Variants in PTCH1 observed in about 807,000 individuals in gnomAD.
The protein encoded by PTCH1 is patched 1.
A neutral mutation model predicts 144.6 loss-of-function variants in PTCH1; 14 were observed. The ratio of observed to expected loss-of-function variants is 0.10; its 90% CI spans 0.06 to 0.15. PTCH1 has a LOEUF of 0.15. PTCH1 is among the 10% of genes least tolerant of loss of function. The pLI is 1.00. For missense variants in PTCH1, 1,623 were observed against 1,948.3 expected (o/e 0.83, Z 3.14); for synonymous variants, 833 against 793.6 (o/e 1.05, Z -0.83).
At chr9:95,457,676 T>A (rs1357463344) in intron 18 of PTCH1, among the ~76,000 whole-genome samples, 4 of 152,104 alleles carry the variant, frequency 2.6e-5, no homozygotes, top group Non-Finnish European at 5.9e-5. Context: ...CTGGATGAGG[T>A]CACAAAATGA....
At chr9:95,463,579 G>A (rs906318567) in intron 15 of PTCH1, among the ~76,000 whole-genome samples, 1 of 152,080 alleles carries the variant, frequency 6.6e-6, no homozygotes, top group Non-Finnish European at 1.5e-5. Context: ...TGTTTTCCTC[G>A]CTGTAACAAT....
upstream of PTCH1, among the ~76,000 whole-genome samples, chr9:95,510,229 C>A (rs953577425): frequency 1.3e-5 from 2 of 152,276 alleles, no homozygotes; most frequent in Admixed American, 6.5e-5. Context: ...TTGTACACCC[C>A]TTTTTATTAA....
chr9:95,504,645 TACA>T (rs1294437526), intron 2 of PTCH1, among the ~76,000 whole-genome samples: 1 of 152,084 alleles, frequency 6.6e-6, no homozygotes, highest in Non-Finnish European at 1.5e-5. Context: ...GCAGCGCCCC[TACA>T]GTCTAGCCAA....
At chr9:95,512,929 C>A (rs552548845), upstream of PTCH1, among the ~76,000 whole-genome samples, 1 of 152,330 alleles carries the variant, frequency 6.6e-6, no homozygotes, top group South Asian at 2.1e-4. Flanking sequence ...TAAAGTTCAT[C>A]TCAATGCATA....
intron 20 of PTCH1, chr9:95,450,823 G>C (rs919887378): frequency 6.6e-6 from 1 of 152,270 alleles, no homozygotes; most frequent in African/African-American, 2.4e-5. Flanking sequence ...GAGGGCTAAG[G>C]TCTGGAATCC....
At chr9:95,507,272 C>T (rs1234610197) in intron 1 of PTCH1, 6 of 985,300 alleles carry the variant, frequency 6.1e-6, no homozygotes, top group African/African-American at 1.7e-5. Flanking sequence ...TGGATCTTTC[C>T]CTCCTCTCCC....
chr9:95,459,939 G>T, intron 16 of PTCH1, 156 bp from the exon 17 acceptor site: 2 of 809,828 alleles, frequency 2.5e-6, no homozygotes, highest in Non-Finnish European at 4.1e-6. Flanking sequence ...GAACACCTTT[G>T]ATTTCTTTCA....
chr9:95,505,935 C>G (rs1251553446), intron 2 of PTCH1, among the ~76,000 whole-genome samples: 4 of 147,276 alleles, frequency 2.7e-5, no homozygotes, highest in East Asian at 4.0e-4. Flanking sequence ...GGCGCGCACA[C>G]TCCAGCCAGC....
Position 95,468,827 on chromosome 9 carries a change from G to C in PTCH1, c.2174C>G (p.Pro725Arg), listed in dbSNP as rs963297092. 24 of 1,614,170 alleles carry C rather than the reference G, an allele frequency of 1.5e-5. No individual in the cohort carries two copies. The highest frequency in any genetic ancestry group is 2.2e-5 in the South Asian group (2 of 91,082). The change falls in exon 14 of 24, where the codon CCC becomes CGC. Residue 725 changes from proline to arginine, a missense_variant. Coordinates refer to ENST00000331920, the MANE Select transcript of PTCH1 (RefSeq NM_000264.5). Reference sequence around the variant, plus strand: ...TGAGAGTGTCCACTTCGTACAGGGGGGCTCGAGGCAGTGGAGGCTGGAGTC... The same window carrying C: ...TGAGAGTGTCCACTTCGTACAGGGGCGCTCGAGGCAGTGGAGGCTGGAGTC... ...FSDSSLHCLEPPCTKWTLSSF... is the reference protein window; with the variant it reads ...FSDSSLHCLERPCTKWTLSSF...
At chr9:95,493,157 A>G (rs1347387623) in intron 2 of PTCH1, among the ~76,000 whole-genome samples, 2 of 152,190 alleles carry the variant, frequency 1.3e-5, no homozygotes, top group Non-Finnish European at 2.9e-5. Flanking sequence ...CCATACTTCT[A>G]GGCCAATATG....
At chr9:95,511,676 C>T (rs1339185121), upstream of PTCH1, among the ~76,000 whole-genome samples, 2 of 152,204 alleles carry the variant, frequency 1.3e-5, no homozygotes, top group East Asian at 3.8e-4. Flanking sequence ...CCACACATTG[C>T]CAGTTTCATC....
Position 95,445,706 on chromosome 9 carries a change from A to G in PTCH1, c.*687T>C, listed in dbSNP as rs1476317034. The G allele has an allele frequency of 6.6e-6, 1 of 151,778 alleles. No homozygotes were observed. The highest frequency in any genetic ancestry group is 2.5e-5 in the African/African-American group (1 of 40,444). The allele number at this position is 151,778 out of a possible 1,614,324, so 9.4% of individuals were successfully genotyped here. A position where few individuals can be genotyped will look rare whatever the true frequency, so the allele number is the denominator to read the frequency against. On this transcript the variant is annotated 3_prime_UTR_variant, in exon 24 of 24. Coordinates refer to ENST00000331920, the MANE Select transcript of PTCH1 (RefSeq NM_000264.5). ...TCAGAGCCTACTACAGGTTACAGACAGTGTAGAGAAACAAAACAAGACAAA... is the reference window on the plus strand; with the variant it reads ...TCAGAGCCTACTACAGGTTACAGACGGTGTAGAGAAACAAAACAAGACAAA...
At position 95,444,759 on chromosome 9, in the gene PTCH1, A is replaced by G. The variant is rs1370267507; in HGVS notation, c.*1634T>C. On this transcript the variant is annotated 3_prime_UTR_variant, in exon 24 of 24. Coordinates refer to ENST00000331920, the MANE Select transcript of PTCH1 (RefSeq NM_000264.5). Reference sequence around the variant, plus strand: ...TTTCCTCTGACTTCTTGTCTGTAACAAGGTGCTGGTGTGGATTTGGATGGG... The same window carrying G: ...TTTCCTCTGACTTCTTGTCTGTAACGAGGTGCTGGTGTGGATTTGGATGGG... The G allele has an allele frequency of 6.6e-6, 1 of 152,280 alleles. No homozygotes were observed. The highest frequency in any genetic ancestry group is 1.5e-5 in the Non-Finnish European group (1 of 68,146). The allele number at this position is 152,280 out of a possible 1,614,324, so 9.4% of individuals were successfully genotyped here.
intron 1 of PTCH1, among the ~76,000 whole-genome samples, chr9:95,515,138 T>C (rs919150405): frequency 6.6e-6 from 1 of 152,176 alleles, no homozygotes; most frequent in African/African-American, 2.4e-5. Context: ...CCATAAAGCA[T>C]TGTCTTTCTT....
intron 5 of PTCH1, 165 bp downstream of exon 5, chr9:95,481,784 C>A: frequency 2.9e-6 from 2 of 680,112 alleles, no homozygotes; most frequent in Non-Finnish European, 5.1e-6. Context: ...AAACATTCTG[C>A]TGAAATCCCC....
Position 95,485,597 on chromosome 9 carries a change from A to G in PTCH1, c.584+88T>C, listed in dbSNP as rs916542801. On this transcript the variant is annotated intron_variant, in intron 3 of 23. Coordinates refer to ENST00000331920, the MANE Select transcript of PTCH1 (RefSeq NM_000264.5). ...CCAGGTGCATTTCCAGGGCAACTTC[A>G]TTTACTAAAATAACGGGGCCTAAAC... The G allele has an allele frequency of 1.3e-5, 19 of 1,518,824 alleles. No homozygotes were observed. In the African/African-American group the frequency reaches 2.5e-4, roughly 20 times the overall value. The allele number at this position is 1,518,824 out of a possible 1,614,324, so 94.1% of individuals were successfully genotyped here.
At chr9:95,471,030 C>CCAAG (rs1707885301) in intron 12 of PTCH1, among the ~76,000 whole-genome samples, 1 of 151,650 alleles carries the variant, frequency 6.6e-6, no homozygotes, top group African/African-American at 2.4e-5. Flanking sequence ...TTGCAGTGAG[C>CCAAG]CAAGATTGCA....
intron 20 of PTCH1, chr9:95,450,170 T>C (rs1199726112): frequency 3.5e-6 from 2 of 566,382 alleles, no homozygotes; most frequent in East Asian, 6.0e-5. Flanking sequence ...TGTTAGTTCA[T>C]GAAGGGAAGA....
At chr9:95,502,271 C>G (rs1461008260) in intron 2 of PTCH1, among the ~76,000 whole-genome samples, 1 of 152,208 alleles carries the variant, frequency 6.6e-6, no homozygotes, top group Non-Finnish European at 1.5e-5. Context: ...CACTGCTGTC[C>G]TTCATGTTAA....
Sources: allele counts gnomAD v4.1 joint callset (sites outside exome capture counted in the v4.1 genomes callset), GRCh38; gene constraint gnomAD v4.1.1; transcripts MANE v1.5; gene names NCBI Gene and HGNC (gene_info 2026-07-23, HGNC 2026-07-21).